Variants in PCDHGB2 observed in about 807,000 individuals in gnomAD.
PCDHGB2 encodes protocadherin gamma-B2.
Under a neutral mutation model 59.3 loss-of-function variants are expected in PCDHGB2, and 55 were observed. The observed-to-expected ratio is 0.93, with a 90% CI of 0.75 to 1.16. The LOEUF is 1.16. PCDHGB2 is among the 50% of genes most tolerant of loss of function. PCDHGB2 has a pLI of 0.00. For missense variants in PCDHGB2, 1,228 were observed against 1,198.5 expected, an observed-to-expected ratio of 1.02 and a Z score of -0.36; for synonymous variants, 516 against 512.0, an observed-to-expected ratio of 1.01 and a Z score of -0.11.
At chr5:141,403,758 T>C (rs1022850868) in intron 1 of PCDHGB2, 18 of 1,613,804 alleles carry the variant, frequency 1.1e-5, no homozygotes, top group Non-Finnish European at 1.4e-5. Flanking sequence ...GCCAGCGACC[T>C]GGATGAGGGA....
chr5:141,413,914 A>G (rs776089620), intron 1 of PCDHGB2: 13 of 1,613,234 alleles, frequency 8.1e-6, no homozygotes. Flanking sequence ...GCCGGTCTTC[A>G]CCTTGCCAGA....
intron 1 of PCDHGB2, among the ~76,000 whole-genome samples, chr5:141,363,685 C>T (rs1188372642): frequency 2.6e-5 from 4 of 152,198 alleles, no homozygotes; most frequent in Admixed American, 2.6e-4. Context: ...GCTAATATAA[C>T]TTACATAAAT....
At chr5:141,464,056 G>C (rs2154568334) in intron 1 of PCDHGB2, among the ~76,000 whole-genome samples, 1 of 152,210 alleles carries the variant, frequency 6.6e-6, no homozygotes, top group East Asian at 1.9e-4. Context: ...CCTGAGGTCA[G>C]GAGTTCAAGG....
chr5:141,370,618 T>G, intron 1 of PCDHGB2: 1 of 1,613,964 alleles, frequency 6.2e-7, no homozygotes, highest in Non-Finnish European at 8.5e-7. Context: ...AAGAAATTCT[T>G]TACCGTGAGC....
At position 141,432,718 on chromosome 5, in the gene PCDHGB2, T is replaced by C; in HGVS notation, c.2422-62089T>C. ...CCGTCCAGGACCACGGCCAGCCCCC[T>C]CTCTCCGCCACTGTCACGCTCACCG... On this transcript the variant is annotated intron_variant, in intron 1 of 3. Coordinates refer to ENST00000522605, the MANE Select transcript of PCDHGB2 (RefSeq NM_018923.3). This position sits in a 1 kb window ranked among gnomAD's most constrained non-coding sequence, Gnocchi z 6.0. 1 of 1,613,476 alleles carries C rather than the reference T, an allele frequency of 6.2e-7. No homozygotes were observed. The highest frequency in any genetic ancestry group is 8.5e-7 in the Non-Finnish European group (1 of 1,179,862).
chr5:141,466,085 G>T (rs1028177123), intron 1 of PCDHGB2, among the ~76,000 whole-genome samples: 2 of 151,984 alleles, frequency 1.3e-5, no homozygotes, highest in African/African-American at 4.8e-5. Flanking sequence ...TCATGCCACT[G>T]CACTCCAGCC....
chr5:141,379,424 G>C (rs1775590923), intron 1 of PCDHGB2: 1 of 152,218 alleles, frequency 6.6e-6, no homozygotes, highest in Non-Finnish European at 1.5e-5. Context: ...TCATGAGTTA[G>C]ATGGGCTGTT....
At chr5:141,508,903 G>A (rs1410291297) in intron 3 of PCDHGB2, among the ~76,000 whole-genome samples, 1 of 152,086 alleles carries the variant, frequency 6.6e-6, no homozygotes, top group East Asian at 1.9e-4. Flanking sequence ...GGGCGGGGCG[G>A]TGGCGGATCT....
At chr5:141,450,293 G>A (rs879439714) in intron 1 of PCDHGB2, among the ~76,000 whole-genome samples, 6 of 151,746 alleles carry the variant, frequency 4.0e-5, no homozygotes, top group Non-Finnish European at 7.4e-5. Flanking sequence ...GATTACAGGC[G>A]TGAGCCACCA....
intron 1 of PCDHGB2, among the ~76,000 whole-genome samples, chr5:141,456,955 T>A (rs1352654794): frequency 2.6e-5 from 4 of 151,974 alleles, no homozygotes; most frequent in African/African-American, 7.3e-5. Flanking sequence ...AGAGCAAAAC[T>A]CCATCTCAAA....
chr5:141,384,766 A>G, intron 1 of PCDHGB2: 2 of 1,613,916 alleles, frequency 1.2e-6, no homozygotes, highest in Non-Finnish European at 1.7e-6. Flanking sequence ...TGGGCTGTAC[A>G]CGGGCGAGGT....
chr5:141,423,061 G>T, intron 1 of PCDHGB2: 2 of 1,614,160 alleles, frequency 1.2e-6, no homozygotes, highest in Non-Finnish European at 1.7e-6. Context: ...CCTGCTTAAG[G>T]CCAGCGAGCC....
intron 1 of PCDHGB2, chr5:141,390,073 G>C: frequency 6.2e-7 from 1 of 1,614,074 alleles, no homozygotes; most frequent in Non-Finnish European, 8.5e-7. Context: ...CCTGGTCTCT[G>C]TGTTAAATCC....
At chr5:141,408,213 G>A in intron 1 of PCDHGB2, 1 of 1,554,970 alleles carries the variant, frequency 6.4e-7, no homozygotes, top group South Asian at 1.2e-5. Flanking sequence ...ATGGGAGGGA[G>A]CTGCGCGCAG....
At position 141,489,662 on chromosome 5, in the gene PCDHGB2, G is replaced by A. The variant is rs2233601; in HGVS notation, c.2422-5145G>A. On this transcript the variant is annotated intron_variant, in intron 1 of 3. Coordinates refer to ENST00000522605, the MANE Select transcript of PCDHGB2 (RefSeq NM_018923.3). This position sits in a 1 kb window ranked among gnomAD's most constrained non-coding sequence, Gnocchi z 4.5. ...TTTGCCACCCCTGAGCGAGAGATGC[G>A]CATCTCAGAATCAGCAGCATCTGGG... The A allele has an allele frequency of 4.0e-4, 649 of 1,614,144 alleles. 2 individuals are homozygous for A. The highest frequency in any genetic ancestry group is 1.5e-3 in the Middle Eastern group (9 of 6,062).
intron 1 of PCDHGB2, among the ~76,000 whole-genome samples, chr5:141,483,722 C>G (rs1043315057): frequency 6.6e-6 from 1 of 152,080 alleles, no homozygotes; most frequent in Non-Finnish European, 1.5e-5. Context: ...TATTGGTTCC[C>G]ACCATAGTCA....
chr5:141,374,678 A>G (rs753625335), intron 1 of PCDHGB2: 1 of 1,610,496 alleles, frequency 6.2e-7, no homozygotes, highest in African/African-American at 1.3e-5. Context: ...GCTGGAGGGC[A>G]CACTGGACCG....
rs750914672 is a variant in PCDHGB2 at position 141,371,927 on chromosome 5, C to A, written c.2421+9371C>A. ...CCTACGTGTCCGTGAGCGCGCGGAG[C>A]GGGGTGGTGTTCGCGCAGCGAGCCT... On this transcript the variant is annotated intron_variant, in intron 1 of 3. Coordinates refer to ENST00000522605, the MANE Select transcript of PCDHGB2 (RefSeq NM_018923.3). 53 of 1,613,208 alleles carry A rather than the reference C, an allele frequency of 3.3e-5. No homozygotes were observed. The highest frequency in any genetic ancestry group is 3.9e-5 in the Non-Finnish European group (46 of 1,179,904).
Position 141,409,092 on chromosome 5 carries a change from A to C in PCDHGB2, c.2421+46536A>C, listed in dbSNP as rs150634031. On this transcript the variant is annotated intron_variant, in intron 1 of 3. Coordinates refer to ENST00000522605, the MANE Select transcript of PCDHGB2 (RefSeq NM_018923.3). ...AAACATATGTTCTCATTGGATGAGA[A>C]AACAGGTATGATTAAGAATAACCAG... 12 of 1,614,050 alleles carry C rather than the reference A, an allele frequency of 7.4e-6. No homozygotes were observed. The East Asian group carries it at 2.7e-4, about 36-fold the overall frequency.
Sources: gnomAD v4.1 joint callset for allele counts (sites outside exome capture counted in the v4.1 genomes callset) on GRCh38, gnomAD v4.1.1 for gene constraint, Gnocchi (gnomAD v3.1) non-coding constraint, MANE v1.5 for transcripts, NCBI Gene and HGNC (gene_info 2026-07-23, HGNC 2026-07-21) for gene names.